The following ACP7 variants were observed in gnomAD, a reference collection of about 807,000 sequenced individuals.
ACP7 encodes acid phosphatase 7, tartrate resistant (putative), also known as acid phosphatase type 7.
Under a neutral mutation model 60.6 loss-of-function variants are expected in ACP7, and 58 were observed. The observed-to-expected ratio is 0.96, with a 90% CI of 0.77 to 1.19. The LOEUF (loss-of-function observed/expected upper bound fraction) is 1.19, where lower values mean the gene tolerates loss of function less well. ACP7 is among the 50% of genes most tolerant of loss of function. ACP7 has a pLI of 0.00. For synonymous variants in ACP7, 237 were observed against 232.6 expected (o/e 1.02, Z -0.17); for missense variants, 574 against 596.2 (o/e 0.96, Z 0.39).
In ACP7 at chr19:39,106,991, C is replaced by T; in HGVS notation, c.1158C>T (p.Pro386=). The T allele has an allele frequency of 6.2e-7, 1 of 1,614,076 alleles. No homozygotes were observed. Among genetic ancestry groups the T allele is most frequent in the Non-Finnish European group, 8.5e-7 (1 of 1,180,006 alleles). The change falls in exon 12 of 13, where the codon CCC becomes CCT. Residue 386 remains proline (P), a synonymous_variant. Transcript: ENST00000331256. The part of the protein sequence containing the change: ...RLTPFAVFPR[P]WSAVRVKEYG... ...CGCCCTTTGCTGTCTTCCCGAGGCCCTGGAGTGCCGTGCGTGTGAAGGAGT... is the reference window on the plus strand; with the variant it reads ...CGCCCTTTGCTGTCTTCCCGAGGCCTTGGAGTGCCGTGCGTGTGAAGGAGT...
intron 11 of ACP7, among the ~76,000 whole-genome samples, chr19:39,102,127 C>CAT (rs1340945190): frequency 6.7e-6 from 1 of 149,062 alleles, no homozygotes; most frequent in Admixed American, 6.7e-5. Flanking sequence ...CTCTCACACA[C>CAT]ACACACACAC....
Position 39,110,315 on chromosome 19 carries a change from T to G in ACP7, c.*197T>G, listed in dbSNP as rs1206779063. On this transcript the variant is annotated 3_prime_UTR_variant, in exon 13 of 13. Coordinates refer to ENST00000331256, the MANE Select transcript of ACP7 (RefSeq NM_001004318.3). ...GAGAGGTGGGAGTCCTGGCTGGCTG[T>G]GGAGGGAGGGCAGGTGTGCGGGCAC... The G allele has an allele frequency of 2.8e-5, 17 of 599,082 alleles. No homozygotes were observed. The highest frequency in any genetic ancestry group is 3.1e-5 in the Admixed American group (1 of 32,210). The allele number at this position is 599,082 out of a possible 1,614,324, so 37.1% of individuals were successfully genotyped here. A position where few individuals can be genotyped will look rare whatever the true frequency, so the allele number is the denominator to read the frequency against.
intron 2 of ACP7, among the ~76,000 whole-genome samples, chr19:39,088,871 G>A (rs2073173436): frequency 6.6e-6 from 1 of 151,044 alleles, no homozygotes; most frequent in East Asian, 1.9e-4. Context: ...TCAGCCTCCC[G>A]AGTAGCTGGG....
intron 2 of ACP7, among the ~76,000 whole-genome samples, chr19:39,096,355 A>C (rs1364955357): frequency 6.6e-6 from 1 of 152,192 alleles, no homozygotes; most frequent in African/African-American, 2.4e-5. Flanking sequence ...TCTCCAGGGC[A>C]GGGGCAAAAT....
Position 39,085,203 on chromosome 19 carries a change from A to C in ACP7, c.-67A>C. 6.5e-7 allele frequency: 1 copy of C among 1,540,280 alleles called. No homozygotes were observed. The highest frequency in any genetic ancestry group is 8.8e-7 in the Non-Finnish European group (1 of 1,140,718). On this transcript the variant is annotated 5_prime_UTR_variant, in exon 2 of 13. Coordinates refer to ENST00000331256, the MANE Select transcript of ACP7 (RefSeq NM_001004318.3). ...CCATCCTCCCAGCCCTTCCTGCTGT[A>C]CCTGTGGGGAGCTGATCTCCTCAGT...
intron 12 of ACP7, among the ~76,000 whole-genome samples, chr19:39,109,226 G>T (rs529503064): frequency 6.6e-6 from 1 of 152,284 alleles, no homozygotes; most frequent in Non-Finnish European, 1.5e-5. Flanking sequence ...TTTTCCCAGG[G>T]TCACACAGTT....
chr19:39,101,738 C>T (rs1371642595), intron 11 of ACP7, among the ~76,000 whole-genome samples: 3 of 151,968 alleles, frequency 2.0e-5, no homozygotes, highest in African/African-American at 7.3e-5. Context: ...TGCTCAAAGT[C>T]GCAGGTCAAA....
chr19:39,096,834 G>A (rs1004385233), intron 2 of ACP7, among the ~76,000 whole-genome samples: 5 of 152,056 alleles, frequency 3.3e-5, no homozygotes, highest in African/African-American at 1.2e-4. Context: ...ACAGAGTCTT[G>A]CTCTGTTGCC....
chr19:39,108,568 T>G (rs1259989967), intron 12 of ACP7, among the ~76,000 whole-genome samples: 3 of 152,068 alleles, frequency 2.0e-5, no homozygotes, highest in Admixed American at 6.6e-5. Context: ...AGTGCGGAAC[T>G]TGGTAAATTC....
chr19:39,098,859 G>T, intron 3 of ACP7, 101 bp from the exon 4 acceptor site: 1 of 1,501,904 alleles, frequency 6.7e-7, no homozygotes, highest in Non-Finnish European at 9.0e-7. Context: ...GCCCCCACCA[G>T]TCCCCCCATC....
At position 39,091,367 on chromosome 19, in the gene ACP7, C is replaced by T. The variant is rs1006932489; in HGVS notation, c.121+5977C>T. Among the ~76,000 whole-genome samples, 12 of 151,874 alleles carry T rather than the reference C, an allele frequency of 7.9e-5. No individual in the cohort carries two copies. The South Asian group carries it at 8.3e-4, about 11-fold the overall frequency. Reference sequence around the variant, plus strand: ...TAGTAGAGACGGGGTTTCACCATGCCGGTCAGGCTGGTCTCGAACTCCTGA... The same window carrying T: ...TAGTAGAGACGGGGTTTCACCATGCTGGTCAGGCTGGTCTCGAACTCCTGA... On this transcript the variant is annotated intron_variant, in intron 2 of 12. Transcript: ENST00000331256.
chr19:39,101,139 A>T lies in ACP7; in HGVS notation c.916-11A>T. 1 of 1,613,928 alleles carries T rather than the reference A, an allele frequency of 6.2e-7. No homozygotes were observed. The highest frequency in any genetic ancestry group is 8.5e-7 in the Non-Finnish European group (1 of 1,180,006). ...CTGCGTCACCCTCACCCGCTCATTC[A>T]CCCTGCCCAGGTCCGCAAAGGCCTC... On this transcript the variant is annotated splice_polypyrimidine_tract_variant and intron_variant, in intron 8 of 12. Transcript: ENST00000331256.
chr19:39,107,983 A>AC (rs1418185628), intron 12 of ACP7, among the ~76,000 whole-genome samples: 1 of 152,076 alleles, frequency 6.6e-6, no homozygotes, highest in African/African-American at 2.4e-5. Flanking sequence ...TGCAGGAGTT[A>AC]GAGTTTGCAG....
intron 11 of ACP7, among the ~76,000 whole-genome samples, chr19:39,105,160 C>G (rs2145036505): frequency 1.3e-5 from 2 of 151,676 alleles, no homozygotes; most frequent in Middle Eastern, 3.4e-3. Flanking sequence ...GGATTACAGG[C>G]TTACGTCACC....
chr19:39,100,214 C>T lies in ACP7; in HGVS notation c.506-13C>T. ...GGCCTGGGTCCTCACCCTCCTTCCGCCCCCTCCCCCAGGAGACTTTGCCTA... is the reference window on the plus strand; with the variant it reads ...GGCCTGGGTCCTCACCCTCCTTCCGTCCCCTCCCCCAGGAGACTTTGCCTA... On this transcript the variant is annotated splice_polypyrimidine_tract_variant and intron_variant, in intron 4 of 12. Coordinates refer to ENST00000331256, the MANE Select transcript of ACP7 (RefSeq NM_001004318.3). The T allele has an allele frequency of 6.4e-7, 1 of 1,560,774 alleles. No homozygotes were observed. Among genetic ancestry groups the T allele is most frequent in the Non-Finnish European group, 8.7e-7 (1 of 1,150,682 alleles).
chr19:39,094,236 C>T (rs192980506), intron 2 of ACP7, among the ~76,000 whole-genome samples: 198 of 152,184 alleles, frequency 1.3e-3, no homozygotes, highest in African/African-American at 4.3e-3. Flanking sequence ...CGTGGTGGCT[C>T]ACCCAAAGTG....
intron 11 of ACP7, among the ~76,000 whole-genome samples, chr19:39,105,302 A>G (rs373138464): frequency 1.4e-3 from 218 of 152,114 alleles, no homozygotes; most frequent in Middle Eastern, 0.01. Context: ...GCCATGAGCC[A>G]CTGTGCCCGG....
At chr19:39,092,771 C>CTTTTTTTTTTTTTT (rs67888880) in intron 2 of ACP7, among the ~76,000 whole-genome samples, 1 of 114,650 alleles carries the variant, frequency 8.7e-6, no homozygotes. Context: ...TCCCATTCCT[C>CTTTTTTTTTTTTTT]TTTTTTTTTT....
chr19:39,088,060 C>T (rs772789979), intron 2 of ACP7, among the ~76,000 whole-genome samples: 12 of 152,028 alleles, frequency 7.9e-5, no homozygotes, highest in Non-Finnish European at 1.6e-4. Flanking sequence ...CTCACTCTGT[C>T]ACCCACGCTG....
Sources: allele counts gnomAD v4.1 joint callset (sites outside exome capture counted in the v4.1 genomes callset), GRCh38; gene constraint gnomAD v4.1.1; transcripts MANE v1.5; gene names NCBI Gene and HGNC (gene_info 2026-07-23, HGNC 2026-07-21).